CABCOCO1: variants seen among roughly 807,000 people sequenced by gnomAD.
CABCOCO1 encodes ciliary-associated calcium-binding coiled-coil protein 1.
A neutral mutation model predicts 35.7 loss-of-function variants in CABCOCO1; 28 were observed. That is an observed-to-expected ratio of 0.78 (90% confidence interval 0.58 to 1.07). CABCOCO1 has a LOEUF of 1.07. CABCOCO1 is among the 50% of genes least tolerant of loss of function. The pLI is 0.00. For synonymous variants in CABCOCO1, 95 were observed against 100.1 expected, an observed-to-expected ratio of 0.95 and a Z score of 0.30; for missense variants, 326 against 309.2, an observed-to-expected ratio of 1.05 and a Z score of -0.41.
intron 5 of CABCOCO1, among the ~76,000 whole-genome samples, chr10:61,756,557 C>T (rs571661079): frequency 1.3e-5 from 2 of 152,106 alleles, no homozygotes; most frequent in Admixed American, 1.3e-4. Flanking sequence ...TGTGTTCAAG[C>T]ATTCAAAAAT....
chr10:61,735,507 T>A (rs1019826314), intron 5 of CABCOCO1, among the ~76,000 whole-genome samples: 1 of 152,152 alleles, frequency 6.6e-6, no homozygotes, highest in Non-Finnish European at 1.5e-5. Context: ...CTGGAGCTTC[T>A]GTTGTCCTAT....
At chr10:61,694,767 G>T (rs1199109395) in intron 5 of CABCOCO1, among the ~76,000 whole-genome samples, 2 of 152,112 alleles carry the variant, frequency 1.3e-5, no homozygotes, top group African/African-American at 4.8e-5. Flanking sequence ...GCTGAGAAGT[G>T]AAGCTTTGGT....
At chr10:61,737,409 A>T (rs1008923542) in intron 5 of CABCOCO1, among the ~76,000 whole-genome samples, 53 of 152,188 alleles carry the variant, frequency 3.5e-4, no homozygotes, top group African/African-American at 1.3e-3. Flanking sequence ...TCAAAAAGCT[A>T]AAAGCAGAAC....
chr10:61,714,249 G>T (rs550683220), intron 5 of CABCOCO1, among the ~76,000 whole-genome samples: 1 of 152,192 alleles, frequency 6.6e-6, no homozygotes, highest in African/African-American at 2.4e-5. Context: ...GAGGGTCTAT[G>T]TGTCCAGGAA....
At chr10:61,701,702 T>C in intron 5 of CABCOCO1, 7 of 984,854 alleles carry the variant, frequency 7.1e-6, no homozygotes, top group Non-Finnish European at 8.4e-6. Context: ...TGTCCAGATA[T>C]GCATGCCTAA....
intron 3 of CABCOCO1, 138 bp downstream of exon 3, chr10:61,681,450 A>C (rs998252425): frequency 7.3e-5 from 43 of 587,094 alleles, no homozygotes; most frequent in African/African-American, 9.6e-5. Flanking sequence ...ACAAATACAT[A>C]GTTCCTATCT....
intron 5 of CABCOCO1, among the ~76,000 whole-genome samples, chr10:61,757,592 A>G (rs891140164): frequency 1.3e-5 from 2 of 152,034 alleles, no homozygotes; most frequent in African/African-American, 4.8e-5. Flanking sequence ...CTCAACTCTC[A>G]GTCAGAACTT....
In CABCOCO1 at chr10:61,724,152, AT is replaced by A. The variant is rs750675820; in HGVS notation, c.552+33532del. On this transcript the variant is annotated intron_variant, in intron 5 of 7. Transcript: ENST00000648843. Reference sequence around the variant, plus strand: ...CAAACTATATACTTTCCTGAAAAAAATAAAGGAAGACTTTAACAAAAGAAGC... The same window carrying A: ...CAAACTATATACTTTCCTGAAAAAAAAAAGGAAGACTTTAACAAAAGAAGC... Among the ~76,000 whole-genome samples the A allele has an allele frequency of 7.9e-5, 12 of 152,346 alleles. No homozygotes were observed. The East Asian group carries it at 1.3e-3, about 17-fold the overall frequency.
chr10:61,680,969 TTCTC>T (rs1441503634), intron 2 of CABCOCO1, among the ~76,000 whole-genome samples, 170 bp from the exon 3 acceptor site: 1 of 150,760 alleles, frequency 6.6e-6, no homozygotes, highest in Non-Finnish European at 1.5e-5. Flanking sequence ...CCCATCCTCG[TTCTC>T]TCTCTCTCTG....
At chr10:61,724,853 C>A (rs1589141841) in intron 5 of CABCOCO1, among the ~76,000 whole-genome samples, 1 of 152,062 alleles carries the variant, frequency 6.6e-6, no homozygotes, top group South Asian at 2.1e-4. Flanking sequence ...AGGAGATATA[C>A]CTAATGTAAA....
rs764156557 is a variant in CABCOCO1 at position 61,681,274 on chromosome 10, T to G, written c.296T>G (p.Phe99Cys). 10 of 1,569,558 alleles carry G rather than the reference T, an allele frequency of 6.4e-6. No individual in the cohort carries two copies. The highest frequency in any genetic ancestry group is 8.7e-6 in the Non-Finnish European group (10 of 1,150,464). ...MDFSIIQYSK[F>C]MTLLAMSLQN... Reference sequence around the variant, plus strand: ...TTCTCTATTATTCAGTATTCAAAATTTATGACTTTACTAGCTATGTCACTT... The same window carrying G: ...TTCTCTATTATTCAGTATTCAAAATGTATGACTTTACTAGCTATGTCACTT... Residue 99 changes from phenylalanine (F) to cysteine (C), a missense_variant, in exon 3 of 8, where the codon TTT (phenylalanine) becomes TGT (cysteine). Coordinates refer to ENST00000648843, the MANE Select transcript of CABCOCO1 (RefSeq NM_001366906.2).
chr10:61,705,133 T>C (rs1161523905), intron 5 of CABCOCO1, among the ~76,000 whole-genome samples: 1 of 152,228 alleles, frequency 6.6e-6, no homozygotes, highest in Non-Finnish European at 1.5e-5. Flanking sequence ...CTAAGTCTTT[T>C]GTGAGCAAGA....
At chr10:61,750,011 GTGGCCAGCACT>G in intron 5 of CABCOCO1, among the ~76,000 whole-genome samples, 1 of 151,212 alleles carries the variant, frequency 6.6e-6, no homozygotes, top group Admixed American at 6.6e-5. Context: ...TTCCCAAATG[GTGGCCAGCACT>G]GACCTTAGGG....
intron 5 of CABCOCO1, among the ~76,000 whole-genome samples, chr10:61,741,745 A>T (rs1222394514): frequency 6.6e-6 from 1 of 152,250 alleles, no homozygotes; most frequent in Non-Finnish European, 1.5e-5. Flanking sequence ...CCAAAAAAGT[A>T]GGGTTAAGTG....
At chr10:61,754,639 A>C (rs1841859844) in intron 5 of CABCOCO1, among the ~76,000 whole-genome samples, 1 of 152,158 alleles carries the variant, frequency 6.6e-6, no homozygotes, top group Admixed American at 6.6e-5. Context: ...AGAGATAAAT[A>C]AAAATGGGCA....
chr10:61,725,293 T>C (rs1402928694), intron 5 of CABCOCO1, among the ~76,000 whole-genome samples: 1 of 152,148 alleles, frequency 6.6e-6, no homozygotes, highest in African/African-American at 2.4e-5. Flanking sequence ...CATGCTGCTA[T>C]AAAGACACAT....
chr10:61,729,410 C>A (rs1224343088), intron 5 of CABCOCO1, among the ~76,000 whole-genome samples: 1 of 151,896 alleles, frequency 6.6e-6, no homozygotes, highest in Admixed American at 6.6e-5. Context: ...AAATTAAAAC[C>A]ACAATGAGAT....
chr10:61,753,210 C>T (rs181209999), intron 5 of CABCOCO1, among the ~76,000 whole-genome samples: 5 of 151,988 alleles, frequency 3.3e-5, no homozygotes, highest in Non-Finnish European at 7.4e-5. Flanking sequence ...TTAAACACCT[C>T]AATTTTAAAT....
chr10:61,669,958 C>T (rs2131951178), intron 1 of CABCOCO1, among the ~76,000 whole-genome samples: 1 of 151,972 alleles, frequency 6.6e-6, no homozygotes, highest in South Asian at 2.1e-4. Flanking sequence ...AAATGACTTG[C>T]CTTAAGTCAT....
Sources: allele counts gnomAD v4.1 joint callset (sites outside exome capture counted in the v4.1 genomes callset), GRCh38; gene constraint gnomAD v4.1.1; transcripts MANE v1.5; gene names NCBI Gene and HGNC (gene_info 2026-07-23, HGNC 2026-07-21).